The following USP47 variants were observed in gnomAD, a reference collection of about 807,000 sequenced individuals.
The protein encoded by USP47 is ubiquitin specific peptidase 47.
Under a neutral mutation model 165.1 loss-of-function variants are expected in USP47, and 35 were observed. That is an observed-to-expected ratio of 0.21 (90% confidence interval 0.16 to 0.28). The LOEUF is 0.28. USP47 is among the 10% of genes least tolerant of loss of function. The pLI, the probability that USP47 is intolerant of heterozygous loss-of-function variation, is 1.00. For missense variants in USP47, 1,277 were observed against 1,607.4 expected (o/e 0.79, Z 3.52); for synonymous variants, 531 against 544.5 (o/e 0.98, Z 0.35).
At chr11:11,898,896 G>T (rs1045039151) in intron 5 of USP47, among the ~76,000 whole-genome samples, 1 of 152,160 alleles carries the variant, frequency 6.6e-6, no homozygotes, top group African/African-American at 2.4e-5. Context: ...GTATCAGATA[G>T]TGTTCCGAGC....
At chr11:11,856,920 T>A (rs745965405) in intron 1 of USP47, 2 of 152,192 alleles carry the variant, frequency 1.3e-5, no homozygotes, top group Non-Finnish European at 2.9e-5. Context: ...TGGCTGAAGC[T>A]CTGCAAGCTA....
rs919324765 is a variant in USP47, at chr11:11,960,759, A to G, written c.*4584A>G. Among the ~76,000 whole-genome samples the G allele has an allele frequency of 1.3e-5, 2 of 152,236 alleles. No homozygotes were observed. Among genetic ancestry groups the G allele is most frequent in the African/African-American group, 4.8e-5 (2 of 41,466 alleles). On this transcript the variant is annotated 3_prime_UTR_variant, in exon 28 of 28. Coordinates refer to ENST00000527733, the MANE Select transcript of USP47 (RefSeq NM_001282659.2). The stretch of plus-strand genomic sequence containing the variant: ...TGTGTGCAGGGGCCTAGCTGCATTT[A>G]GAAACCAAGCATAGCTATCAAAAAG...
chr11:11,843,921 C>T (rs1270826878), intron 1 of USP47, among the ~76,000 whole-genome samples: 3 of 152,116 alleles, frequency 2.0e-5, no homozygotes, highest in African/African-American at 7.2e-5. Flanking sequence ...TTTTATGGAC[C>T]ATATGCCTTT....
chr11:11,951,761 A>G (rs1016499021), intron 24 of USP47: 4 of 152,184 alleles, frequency 2.6e-5, no homozygotes, highest in African/African-American at 7.2e-5. Flanking sequence ...TGACAAGTTA[A>G]GTTGGGAGGT....
At chr11:11,925,115 T>G (rs1854136057) in intron 11 of USP47, among the ~76,000 whole-genome samples, 2 of 151,524 alleles carry the variant, frequency 1.3e-5, no homozygotes, top group East Asian at 1.9e-4. Context: ...GTTTTTGGTT[T>G]TTTTTTTTTT....
intron 3 of USP47, among the ~76,000 whole-genome samples, chr11:11,888,245 C>A (rs114497188): frequency 6.6e-6 from 1 of 151,650 alleles, no homozygotes; most frequent in South Asian, 2.1e-4. Flanking sequence ...GATAGAGACA[C>A]GAAAAACCTT....
chr11:11,943,290 A>G lies in USP47; in HGVS notation c.3091+178A>G, dbSNP rs1177208467. ...TTCTTAGACCTGTGCAGTAAATTAG[A>G]TGGTAATTATATCAGAACTCTGAGA... On this transcript the variant is annotated intron_variant, in intron 20 of 27. Coordinates refer to ENST00000527733, the MANE Select transcript of USP47 (RefSeq NM_001282659.2). The G allele has an allele frequency of 5.7e-6, 3 of 523,418 alleles. No homozygotes were observed. In the East Asian group the frequency reaches 9.2e-5, roughly 16 times the overall value. The allele number at this position is 523,418 out of a possible 1,614,324, so 32.4% of individuals were successfully genotyped here.
chr11:11,936,566 GT>G (rs531900904), intron 17 of USP47, 56 bp downstream of exon 17: 14,828 of 1,073,730 alleles, frequency 0.014, 2 homozygotes, highest in South Asian at 0.019. Context: ...TCATGAGAAA[GT>G]TTTTTTTTTT....
At chr11:11,912,301 A>G (rs1359386593) in intron 8 of USP47, among the ~76,000 whole-genome samples, 3 of 152,074 alleles carry the variant, frequency 2.0e-5, no homozygotes, top group Non-Finnish European at 4.4e-5. Flanking sequence ...TGAAAAGACA[A>G]TAAAATTGAC....
rs1415864390 is a variant in USP47 at position 11,961,589 on chromosome 11, C to T, written c.*5414C>T. On this transcript the variant is annotated 3_prime_UTR_variant, in exon 28 of 28. Coordinates refer to ENST00000527733, the MANE Select transcript of USP47 (RefSeq NM_001282659.2). The stretch of plus-strand genomic sequence containing the variant: ...TGATCACATGATCACCAGATGGCTG[C>T]CCCAGAGCCAAATGTCGCTTCCTGA... 6.6e-6 allele frequency among the ~76,000 whole-genome samples: 1 copy of T among 152,162 alleles called. No homozygotes were observed. The highest frequency in any genetic ancestry group is 1.5e-5 in the Non-Finnish European group (1 of 68,034).
Position 11,842,189 on chromosome 11 carries a change from G to T in USP47, c.4G>T (p.Val2Leu), listed in dbSNP as rs746093600. The T allele has an allele frequency of 3.0e-5, 46 of 1,553,664 alleles. No individual in the cohort carries two copies. The highest frequency in any genetic ancestry group is 3.9e-5 in the Non-Finnish European group (45 of 1,147,764). The change falls in exon 1 of 28, where the codon GTG (valine) becomes TTG (leucine). Residue 2 changes from valine (V) to leucine (L), a missense_variant. By Grantham distance (32) the Val-to-Leu change is conservative. Coordinates refer to ENST00000527733, the MANE Select transcript of USP47 (RefSeq NM_001282659.2). ...AGAGGAGCGGCCGGAGTCAGCGATG[G>T]TGCCCGGCGAGGAGAACCAACTGGT... M[V>L]PGEENQLVPK...
chr11:11,957,731 C>G lies in USP47; in HGVS notation c.*1556C>G, dbSNP rs1847270090. The G allele has an allele frequency of 6.6e-6, 1 of 151,818 alleles. No individual in the cohort carries two copies. The highest frequency in any genetic ancestry group is 2.4e-5 in the African/African-American group (1 of 41,300). 9.4% of individuals were successfully genotyped at this position (151,818 alleles called of 1,614,324 possible). On this transcript the variant is annotated 3_prime_UTR_variant, in exon 28 of 28. Transcript: ENST00000527733. ...TCAGTATTTCAGATCCGATTTTTAC[C>G]CTTTTTTTCTTATAAGAAAGATAAA...
At chr11:11,905,066 T>C (rs1329590950) in intron 7 of USP47, among the ~76,000 whole-genome samples, 1 of 152,018 alleles carries the variant, frequency 6.6e-6, no homozygotes, top group Non-Finnish European at 1.5e-5. Context: ...GAGGCTTAAT[T>C]GGTAACTGAT....
intron 4 of USP47, among the ~76,000 whole-genome samples, chr11:11,897,337 TTAA>T (rs1341899325): frequency 1.3e-5 from 2 of 152,066 alleles, no homozygotes; most frequent in African/African-American, 4.8e-5. Context: ...TCTTAAAATG[TTAA>T]TGTCATATAA....
At chr11:11,885,915 C>A (rs183428101) in intron 3 of USP47, among the ~76,000 whole-genome samples, 44 of 152,324 alleles carry the variant, frequency 2.9e-4, no homozygotes, top group African/African-American at 1.1e-3. Flanking sequence ...GTTTCACAGC[C>A]TTCACTGGTG....
chr11:11,893,740 G>T (rs148484061), intron 4 of USP47, among the ~76,000 whole-genome samples: 2,120 of 152,068 alleles, frequency 0.014, 57 homozygotes, highest in African/African-American at 0.049. Context: ...TAGAGATGAG[G>T]TCTCACTGTG....
intron 1 of USP47, among the ~76,000 whole-genome samples, chr11:11,843,498 T>A (rs1848259736): frequency 6.6e-6 from 1 of 152,246 alleles, no homozygotes; most frequent in African/African-American, 2.4e-5. Flanking sequence ...CTAGTGTTTG[T>A]TGAACTCCAA....
chr11:11,907,810 C>T (rs11823916), intron 8 of USP47, among the ~76,000 whole-genome samples: 4,023 of 152,028 alleles, frequency 0.026, 185 homozygotes, highest in African/African-American at 0.09. Context: ...TAGATATAGA[C>T]GTAGGCTGGG....
chr11:11,897,807 T>G, intron 5 of USP47, 114 bp downstream of exon 5: 4 of 680,034 alleles, frequency 5.9e-6, no homozygotes, highest in Non-Finnish European at 7.4e-6. Flanking sequence ...TCTCACACCA[T>G]AAGATATAAC....
Sources: allele counts gnomAD v4.1 joint callset (sites outside exome capture counted in the v4.1 genomes callset), GRCh38; gene constraint gnomAD v4.1.1; transcripts MANE v1.5; gene names NCBI Gene and HGNC (gene_info 2026-07-23, HGNC 2026-07-21).